The following PTPRM variants were observed in gnomAD, a reference collection of about 807,000 sequenced individuals.
PTPRM encodes the protein receptor-type tyrosine-protein phosphatase mu.
PTPRM carries 47 observed loss-of-function variants against 186.7 expected under a neutral mutation model. That is an observed-to-expected ratio of 0.25 (90% CI 0.20 to 0.32). The LOEUF (loss-of-function observed/expected upper bound fraction) is 0.32, where lower values mean the gene tolerates loss of function less well. Ranked by LOEUF, PTPRM falls within the 10% of genes least tolerant of loss-of-function variation. PTPRM has a pLI of 1.00. For synonymous variants in PTPRM, 668 were observed against 674.9 expected (o/e 0.99, Z 0.16); for missense variants, 1,494 against 1,865.0 (o/e 0.80, Z 3.66).
In PTPRM at chr18:7,911,846, A is replaced by ATTTTTTTTTTTT. The variant is rs57590269; in HGVS notation, c.547+5276_547+5287dup. On this transcript the variant is annotated intron_variant, in intron 4 of 32. Coordinates refer to ENST00000580170, the MANE Select transcript of PTPRM (RefSeq NM_001105244.2). The stretch of plus-strand genomic sequence containing the variant: ...TTTTTTCCAGAGTTTTATGGTTTCA[A>ATTTTTTTTTTTT]TTTTTTTTTTTTTTTTTTTTTTTTG... 1.5e-3 allele frequency among the ~76,000 whole-genome samples: 121 copies of ATTTTTTTTTTTT among 80,670 alleles called. 8 individuals carry two copies. Among genetic ancestry groups the ATTTTTTTTTTTT allele is most frequent in the East Asian group, 0.012 (24 of 1,988 alleles). 52.9% of individuals were successfully genotyped at this position (80,670 alleles called of 152,430 possible).
chr18:7,665,846 C>T (rs1598331558), intron 1 of PTPRM, among the ~76,000 whole-genome samples: 1 of 151,860 alleles, frequency 6.6e-6, no homozygotes, highest in African/African-American at 2.4e-5. Flanking sequence ...CGCTTGAACC[C>T]GGGAGGCGGA....
chr18:8,162,706 G>A (rs1188918268), intron 14 of PTPRM, among the ~76,000 whole-genome samples: 3 of 152,212 alleles, frequency 2.0e-5, no homozygotes, highest in Non-Finnish European at 4.4e-5. Context: ...GGTTTGAGGA[G>A]TAAGATTTAT....
chr18:8,087,232 A>G (rs1468896775), intron 10 of PTPRM, among the ~76,000 whole-genome samples: 1 of 152,178 alleles, frequency 6.6e-6, no homozygotes, highest in African/African-American at 2.4e-5. Context: ...AATTTTTCCC[A>G]TGTAAGTTAC....
intron 5 of PTPRM, among the ~76,000 whole-genome samples, chr18:7,943,851 A>G (rs1177015872): frequency 6.6e-6 from 1 of 152,080 alleles, no homozygotes; most frequent in Non-Finnish European, 1.5e-5. Flanking sequence ...TTCCATCTCT[A>G]GACCCTTATT....
At position 7,937,609 on chromosome 18, in the gene PTPRM, G is replaced by A. The variant is rs137974602; in HGVS notation, c.663+10926G>A. On this transcript the variant is annotated intron_variant, in intron 5 of 32. Coordinates refer to ENST00000580170, the MANE Select transcript of PTPRM (RefSeq NM_001105244.2). ...CAAAACTCAGGTAAAGGTGCCACTGGCCACAGAGGTTTCTGGCTGGCGAAG... is the reference window on the plus strand; with the variant it reads ...CAAAACTCAGGTAAAGGTGCCACTGACCACAGAGGTTTCTGGCTGGCGAAG... Among the ~76,000 whole-genome samples the A allele has an allele frequency of 5.0e-3, 757 of 152,318 alleles. 11 individuals are homozygous for A. The highest frequency in any genetic ancestry group is 0.017 in the African/African-American group (718 of 41,574).
chr18:8,009,774 A>T (rs2084413781), intron 7 of PTPRM, among the ~76,000 whole-genome samples: 1 of 152,186 alleles, frequency 6.6e-6, no homozygotes, highest in South Asian at 2.1e-4. Flanking sequence ...TCTTCCATGT[A>T]AAATGTGTCA....
intron 1 of PTPRM, among the ~76,000 whole-genome samples, chr18:7,717,980 C>A (rs1259313732): frequency 6.6e-6 from 1 of 151,958 alleles, no homozygotes; most frequent in Non-Finnish European, 1.5e-5. Context: ...AAACAAGGCA[C>A]CCCTGTTGAG....
intron 1 of PTPRM, among the ~76,000 whole-genome samples, chr18:7,601,560 C>T (rs1312440824): frequency 6.6e-6 from 1 of 152,202 alleles, no homozygotes; most frequent in Non-Finnish European, 1.5e-5. Context: ...TGCATCACTC[C>T]AATCTCTGCC....
At chr18:8,244,297 A>AG (rs60751184) in intron 15 of PTPRM, 88 bp downstream of exon 15, 2 of 1,265,742 alleles carry the variant, frequency 1.6e-6, no homozygotes, top group Admixed American at 6.0e-5. Context: ...AAAAAAAAAA[A>AG]GCTTCCTGAA....
At chr18:7,888,729 G>A (rs980585453) in intron 3 of PTPRM, among the ~76,000 whole-genome samples, 9 of 152,030 alleles carry the variant, frequency 5.9e-5, no homozygotes, top group Non-Finnish European at 2.9e-5. Context: ...AATCCACCTA[G>A]GTGTCCATCA....
At position 8,387,134 on chromosome 18, in the gene PTPRM, C is replaced by T; in HGVS notation, c.4107C>T (p.Asp1369=). The T allele has an allele frequency of 1.2e-6, 2 of 1,612,126 alleles. No individual in the cohort carries two copies. The highest frequency in any genetic ancestry group is 1.1e-5 in the South Asian group (1 of 91,042). ...TCCTGGGCTGGCCGATGTACAGGGACACACCAGTGTCTAAGCGCTCCTTCT... is the reference window on the plus strand; with the variant it reads ...TCCTGGGCTGGCCGATGTACAGGGATACACCAGTGTCTAAGCGCTCCTTCT... ...FQFLGWPMYR[D]TPVSKRSFLK... Residue 1369 remains aspartate, a synonymous_variant, in exon 31 of 33, where the codon GAC becomes GAT. Coordinates refer to ENST00000580170, the MANE Select transcript of PTPRM (RefSeq NM_001105244.2).
chr18:8,070,662 G>A lies in PTPRM; in HGVS notation c.1441+668G>A, dbSNP rs539195455. 2.9e-4 allele frequency among the ~76,000 whole-genome samples: 44 copies of A among 152,260 alleles called. No individual in the cohort carries two copies. The South Asian group carries it at 8.1e-3, about 28-fold the overall frequency. ...AAAATTATGCCTTGAATCTCAATGC[G>A]TGGATATAAATGTTTCTTTACACAG... On this transcript the variant is annotated intron_variant, in intron 8 of 32. Coordinates refer to ENST00000580170, the MANE Select transcript of PTPRM (RefSeq NM_001105244.2).
intron 14 of PTPRM, among the ~76,000 whole-genome samples, chr18:8,200,103 C>G (rs2093833355): frequency 6.6e-6 from 1 of 152,066 alleles, no homozygotes; most frequent in Non-Finnish European, 1.5e-5. Flanking sequence ...TTGGGGAAGC[C>G]CTGAAACTCA....
At chr18:8,075,812 T>C (rs1026160915) in intron 8 of PTPRM, among the ~76,000 whole-genome samples, 2 of 152,206 alleles carry the variant, frequency 1.3e-5, no homozygotes, top group African/African-American at 4.8e-5. Flanking sequence ...CAGTAGTTCA[T>C]ATATATTTTT....
intron 1 of PTPRM, among the ~76,000 whole-genome samples, chr18:7,630,358 C>T (rs1052603527): frequency 6.6e-6 from 1 of 152,076 alleles, no homozygotes; most frequent in Admixed American, 6.6e-5. Flanking sequence ...GAGATGAGAC[C>T]TGAGAAGAAC....
chr18:7,622,857 T>C (rs1188512998), intron 1 of PTPRM, among the ~76,000 whole-genome samples: 1 of 152,162 alleles, frequency 6.6e-6, no homozygotes, highest in Non-Finnish European at 1.5e-5. Flanking sequence ...TGTATGTGTC[T>C]GTTGAGGAGA....
At chr18:8,393,131 A>T (rs918806114) in intron 31 of PTPRM, among the ~76,000 whole-genome samples, 2 of 152,242 alleles carry the variant, frequency 1.3e-5, no homozygotes, top group African/African-American at 4.8e-5. Context: ...GAGAAAGATG[A>T]TAACTTTATG....
rs186646080 is a variant in PTPRM at position 7,863,296 on chromosome 18, G to T, written c.197-24810G>T. Among the ~76,000 whole-genome samples the T allele has an allele frequency of 1.6e-4, 24 of 152,106 alleles. No homozygotes were observed. In the East Asian group the frequency reaches 4.4e-3, roughly 28 times the overall value. ...TATACACATGCCATGGTGGTTTGCT[G>T]CCCATCAAGCCATCATCTACATTAG... On this transcript the variant is annotated intron_variant, in intron 2 of 32. Coordinates refer to ENST00000580170, the MANE Select transcript of PTPRM (RefSeq NM_001105244.2).
intron 1 of PTPRM, among the ~76,000 whole-genome samples, chr18:7,722,301 G>C (rs1196682584): frequency 6.6e-6 from 1 of 152,066 alleles, no homozygotes; most frequent in Non-Finnish European, 1.5e-5. Context: ...AGCATTTAAG[G>C]TTCCTCTGTG....
Sources: allele counts gnomAD v4.1 joint callset (sites outside exome capture counted in the v4.1 genomes callset), GRCh38; gene constraint gnomAD v4.1.1; transcripts MANE v1.5; gene names NCBI Gene and HGNC (gene_info 2026-07-23, HGNC 2026-07-21).